Variants in GLRA2 observed in about 807,000 individuals in gnomAD.
GLRA2 encodes glycine receptor alpha 2, also known as glycine receptor subunit alpha-2.
A neutral mutation model predicts 31.6 loss-of-function variants in GLRA2; 11 were observed. The observed-to-expected ratio is 0.35, with a 90% CI of 0.22 to 0.58. The LOEUF (loss-of-function observed/expected upper bound fraction) is 0.58, where lower values mean the gene tolerates loss of function less well. Among genes scored for constraint, GLRA2 ranks in the 20% least tolerant of loss-of-function variants. GLRA2 has a pLI of 0.84. For synonymous variants in GLRA2, 132 were observed against 134.0 expected (o/e 0.99, Z 0.10); for missense variants, 212 against 351.8 (o/e 0.60, Z 3.18).
the GLRA2 span, among the ~76,000 whole-genome samples, chrX:14,516,614 C>T: frequency 2.7e-5 from 3 of 111,304 alleles, no homozygotes; most frequent in East Asian, 5.7e-4. Context: ...GAAACTGAGC[C>T]GGCCATACAT....
intron 7 of GLRA2, among the ~76,000 whole-genome samples, chrX:14,633,183 C>T (rs1025068915): frequency 2.7e-5 from 3 of 111,944 alleles, no homozygotes; most frequent in African/African-American, 9.7e-5. Context: ...AGATTCATAT[C>T]TTAATACTTG....
the GLRA2 span, among the ~76,000 whole-genome samples, chrX:14,453,160 G>A: frequency 1.8e-5 from 2 of 111,955 alleles, no homozygotes; most frequent in South Asian, 3.7e-4. Context: ...CCCAAAAAAG[G>A]GAAAGAGCCC....
the GLRA2 span, among the ~76,000 whole-genome samples, chrX:14,467,863 C>A: frequency 9.1e-6 from 1 of 110,436 alleles, no homozygotes; most frequent in East Asian, 2.8e-4. Flanking sequence ...AAAAAAAATC[C>A]TTTACTTCAA....
At chrX:14,650,519 G>T (rs1054669680) in intron 7 of GLRA2, among the ~76,000 whole-genome samples, 2 of 111,042 alleles carry the variant, frequency 1.8e-5, no homozygotes, top group Non-Finnish European at 3.8e-5. Context: ...GTCAGAGAGA[G>T]CTTCCAACCA....
intron 7 of GLRA2, among the ~76,000 whole-genome samples, chrX:14,628,110 G>T (rs2090607783): frequency 9.0e-6 from 1 of 111,293 alleles, no homozygotes; most frequent in Non-Finnish European, 1.9e-5. Context: ...TCATTTTGGG[G>T]TATACTAATG....
chrX:14,686,958 T>C (rs1405438306), intron 7 of GLRA2, among the ~76,000 whole-genome samples: 21 of 112,302 alleles, frequency 1.9e-4, no homozygotes, highest in Non-Finnish European at 3.8e-4. Context: ...TTCCTTTCCA[T>C]GTTTAGTGCT....
intron 8 of GLRA2, among the ~76,000 whole-genome samples, chrX:14,728,565 C>T (rs2091953984): frequency 8.9e-6 from 1 of 111,912 alleles, no homozygotes; most frequent in African/African-American, 3.3e-5. Flanking sequence ...CAATTATTCA[C>T]ACTTGCTATC....
intron 8 of GLRA2, among the ~76,000 whole-genome samples, chrX:14,694,434 T>C (rs2091411235): frequency 9.0e-6 from 1 of 111,616 alleles, no homozygotes; most frequent in East Asian, 2.8e-4. Context: ...GGTTGAAAAA[T>C]AGGTAATTTC....
the GLRA2 span, among the ~76,000 whole-genome samples, chrX:14,522,801 CAA>C: frequency 8.9e-6 from 1 of 111,816 alleles, no homozygotes; most frequent in African/African-American, 3.2e-5. Context: ...CAGTAGGTCT[CAA>C]GAGTGGACCT....
At chrX:14,674,142 A>G (rs140999482) in intron 7 of GLRA2, among the ~76,000 whole-genome samples, 70 of 112,315 alleles carry the variant, frequency 6.2e-4, no homozygotes, top group African/African-American at 2.3e-3. Flanking sequence ...CCTTATCCTT[A>G]TAATGGAGAT....
At chrX:14,482,057 C>T in the GLRA2 span, among the ~76,000 whole-genome samples, 1 of 112,070 alleles carries the variant, frequency 8.9e-6, no homozygotes, top group Non-Finnish European at 1.9e-5. Flanking sequence ...CAAAAATGTG[C>T]TTTAAATCCT....
chrX:14,471,802 C>T, the GLRA2 span, among the ~76,000 whole-genome samples: 1 of 111,751 alleles, frequency 8.9e-6, no homozygotes, highest in Non-Finnish European at 1.9e-5. Context: ...ATAGAAATCC[C>T]CAGAATCGGA....
the GLRA2 span, among the ~76,000 whole-genome samples, chrX:14,493,676 T>C: frequency 4.4e-3 from 387 of 88,650 alleles, 3 homozygotes; most frequent in African/African-American, 0.021. Flanking sequence ...TATGTATACA[T>C]GTGTATACAT....
chrX:14,497,813 C>A, the GLRA2 span, among the ~76,000 whole-genome samples: 3 of 106,979 alleles, frequency 2.8e-5, no homozygotes, highest in Non-Finnish European at 5.8e-5. Context: ...CACAGCTAGG[C>A]AGACCAACTC....
the GLRA2 span, among the ~76,000 whole-genome samples, chrX:14,496,353 C>A: frequency 2.7e-5 from 3 of 111,692 alleles, no homozygotes; most frequent in Admixed American, 2.8e-4. Context: ...TGAGTAAATC[C>A]GCACATATGT....
chrX:14,468,252 T>C, the GLRA2 span, among the ~76,000 whole-genome samples: 4 of 112,543 alleles, frequency 3.6e-5, no homozygotes, highest in East Asian at 2.8e-4. Flanking sequence ...TGTTGGATCT[T>C]GAGCAACAGC....
At chrX:14,478,055 T>C in the GLRA2 span, among the ~76,000 whole-genome samples, 2 of 110,916 alleles carry the variant, frequency 1.8e-5, no homozygotes, top group African/African-American at 6.6e-5. Flanking sequence ...TGATACTGTT[T>C]TTCACTATGT....
chrX:14,483,331 T>A, the GLRA2 span, among the ~76,000 whole-genome samples: 1 of 112,011 alleles, frequency 8.9e-6, no homozygotes, highest in Non-Finnish European at 1.9e-5. Flanking sequence ...ATGGCCTGAA[T>A]TATTCTAGAT....
At chrX:14,661,721 C>CAATT (rs1407515571) in intron 7 of GLRA2, among the ~76,000 whole-genome samples, 1 of 107,944 alleles carries the variant, frequency 9.3e-6, no homozygotes, top group African/African-American at 3.4e-5. Flanking sequence ...AAAATATGAA[C>CAATT]AATTAGCTGG....
Sources: allele counts gnomAD v4.1 joint callset (sites outside exome capture counted in the v4.1 genomes callset), GRCh38; gene constraint gnomAD v4.1.1; transcripts MANE v1.5; gene names NCBI Gene and HGNC (gene_info 2026-07-23, HGNC 2026-07-21).